NALCN: variants seen among roughly 807,000 people sequenced by gnomAD.
NALCN encodes the protein sodium leak channel NALCN.
A neutral mutation model predicts 225.3 loss-of-function variants in NALCN; 111 were observed. The ratio of observed to expected loss-of-function variants is 0.49; its 90% CI spans 0.42 to 0.58. NALCN has a LOEUF of 0.58. Ranked by LOEUF, NALCN falls within the 20% of genes least tolerant of loss-of-function variation. NALCN has a pLI of 0.00. For synonymous variants in NALCN, 764 were observed against 769.0 expected (o/e 0.99, Z 0.11); for missense variants, 1,378 against 2,202.4 (o/e 0.63, Z 7.49).
intron 37 of NALCN, among the ~76,000 whole-genome samples, chr13:101,073,092 C>A (rs1414703935): frequency 6.6e-6 from 1 of 152,070 alleles, no homozygotes; most frequent in Non-Finnish European, 1.5e-5. Flanking sequence ...TAAACTGAGA[C>A]CAGAAGGATG....
At chr13:101,407,913 C>T (rs985190889) in intron 1 of NALCN, among the ~76,000 whole-genome samples, 8 of 152,158 alleles carry the variant, frequency 5.3e-5, no homozygotes, top group African/African-American at 1.9e-4. Flanking sequence ...TTACACCTAA[C>T]ATTTGCTGAG....
intron 6 of NALCN, among the ~76,000 whole-genome samples, chr13:101,345,666 C>T (rs1429228069): frequency 2.8e-5 from 4 of 141,336 alleles, no homozygotes; most frequent in African/African-American, 8.3e-5. Flanking sequence ...CCTTGAGAGA[C>T]CTTTGCTCTT....
At chr13:101,375,878 C>T (rs901340522) in intron 6 of NALCN, among the ~76,000 whole-genome samples, 8 of 152,122 alleles carry the variant, frequency 5.3e-5, no homozygotes, top group Admixed American at 3.9e-4. Context: ...TAATGGGACA[C>T]TTCTGGACCA....
intron 11 of NALCN, among the ~76,000 whole-genome samples, chr13:101,241,343 G>A (rs1412249813): frequency 6.6e-6 from 1 of 152,218 alleles, no homozygotes; most frequent in Non-Finnish European, 1.5e-5. Context: ...ACTTTTGGCT[G>A]CTGTTTCTCA....
At chr13:101,236,191 C>T (rs371570919) in intron 12 of NALCN, among the ~76,000 whole-genome samples, 2,832 of 152,088 alleles carry the variant, frequency 0.019, 93 homozygotes, top group African/African-American at 0.063. Context: ...ATCAGAGAAA[C>T]GCAAATGAAA....
intron 6 of NALCN, chr13:101,369,082 G>C: frequency 3.4e-6 from 1 of 296,364 alleles, no homozygotes; most frequent in Non-Finnish European, 6.8e-6. Context: ...TTGTGATTAT[G>C]AGCAACATTA....
At chr13:101,398,828 T>C (rs1223639973) in intron 2 of NALCN, among the ~76,000 whole-genome samples, 191 bp downstream of exon 2, 1 of 152,070 alleles carries the variant, frequency 6.6e-6, no homozygotes, top group Non-Finnish European at 1.5e-5. Context: ...CAGTGCATCT[T>C]CCTATGTGAG....
At chr13:101,258,166 G>A (rs571560016) in intron 11 of NALCN, among the ~76,000 whole-genome samples, 22 of 152,220 alleles carry the variant, frequency 1.4e-4, no homozygotes, top group African/African-American at 5.3e-4. Context: ...ATAAGAGGTG[G>A]ATAGGAAAAC....
intron 6 of NALCN, among the ~76,000 whole-genome samples, chr13:101,348,540 T>C (rs558366058): frequency 5.3e-5 from 8 of 152,302 alleles, no homozygotes; most frequent in African/African-American, 1.4e-4. Context: ...TTAAATTAGA[T>C]AATGTGCAAC....
intron 30 of NALCN, among the ~76,000 whole-genome samples, chr13:101,087,547 T>A (rs1167653325): frequency 6.6e-6 from 1 of 152,008 alleles, no homozygotes; most frequent in African/African-American, 2.4e-5. Context: ...GCAATTGATA[T>A]CTCCAATTAA....
chr13:101,405,439 C>T (rs1412982691), intron 1 of NALCN, among the ~76,000 whole-genome samples: 1 of 152,218 alleles, frequency 6.6e-6, no homozygotes, highest in African/African-American at 2.4e-5. Flanking sequence ...CTCTGCCGTC[C>T]TCCAATTCCC....
intron 15 of NALCN, among the ~76,000 whole-genome samples, chr13:101,148,814 G>T (rs545157868): frequency 1.3e-5 from 2 of 152,292 alleles, no homozygotes; most frequent in South Asian, 4.1e-4. Flanking sequence ...AAAGATTTTA[G>T]ATATATCCTG....
In NALCN at chr13:101,404,257, G is replaced by A. The variant is rs910015330; in HGVS notation, c.-39-5092C>T. Among the ~76,000 whole-genome samples the A allele has an allele frequency of 3.9e-5, 6 of 152,276 alleles. No individual in the cohort carries two copies. The East Asian group carries it at 5.8e-4, about 15-fold the overall frequency. On this transcript the variant is annotated intron_variant, in intron 1 of 43. Transcript: ENST00000251127. ...ATATTGAGCAGTGGATTCCCAACAC[G>A]TTTCTGTGCTATCGGGCATAATGAG...
At chr13:101,098,833 C>T (rs756729793) in intron 27 of NALCN, among the ~76,000 whole-genome samples, 21 of 152,008 alleles carry the variant, frequency 1.4e-4, no homozygotes, top group Non-Finnish European at 1.9e-4. Flanking sequence ...ACTCAAGCCC[C>T]GTCTCACCGT....
chr13:101,234,269 T>TC (rs1178314144), intron 12 of NALCN, among the ~76,000 whole-genome samples: 2 of 152,238 alleles, frequency 1.3e-5, no homozygotes, highest in South Asian at 4.1e-4. Context: ...TGTCCACTGC[T>TC]CCATCTTCAG....
At chr13:101,326,928 T>C (rs1490939896) in intron 7 of NALCN, among the ~76,000 whole-genome samples, 2 of 152,144 alleles carry the variant, frequency 1.3e-5, no homozygotes, top group African/African-American at 4.8e-5. Flanking sequence ...ACTGGGCTTC[T>C]CTCCATGGTC....
chr13:101,123,512 G>A (rs1458788580), intron 18 of NALCN, among the ~76,000 whole-genome samples: 1 of 152,172 alleles, frequency 6.6e-6, no homozygotes, highest in Admixed American at 6.5e-5. Context: ...GTAAGCCTAA[G>A]TTGGGGCGCA....
chr13:101,069,821 T>G (rs1284843674), intron 37 of NALCN, among the ~76,000 whole-genome samples: 5 of 152,236 alleles, frequency 3.3e-5, no homozygotes, highest in Non-Finnish European at 5.9e-5. Context: ...ACCACTCTGA[T>G]CATCCATAAG....
At chr13:101,321,780 A>G (rs1008663520) in intron 7 of NALCN, among the ~76,000 whole-genome samples, 1 of 152,182 alleles carries the variant, frequency 6.6e-6, no homozygotes, top group African/African-American at 2.4e-5. Flanking sequence ...ACATATGTAT[A>G]TACCCATATG....
Sources: allele counts gnomAD v4.1 joint callset (sites outside exome capture counted in the v4.1 genomes callset), GRCh38; gene constraint gnomAD v4.1.1; transcripts MANE v1.5; gene names NCBI Gene and HGNC (gene_info 2026-07-23, HGNC 2026-07-21).